The following PTPRD variants were observed in gnomAD, a reference collection of about 807,000 sequenced individuals.
The protein encoded by PTPRD is protein tyrosine phosphatase receptor type D, also known as receptor-type tyrosine-protein phosphatase delta.
PTPRD carries 34 observed loss-of-function variants against 214.5 expected under a neutral mutation model. The ratio of observed to expected loss-of-function variants is 0.16; its 90% confidence interval spans 0.12 to 0.21. The LOEUF (loss-of-function observed/expected upper bound fraction) is 0.21. Among genes scored for constraint, PTPRD ranks in the 10% least tolerant of loss-of-function variants. PTPRD has a pLI of 1.00. For missense variants in PTPRD, 2,545 were observed against 2,398.7 expected, an observed-to-expected ratio of 1.06 and a Z score of -1.27; for synonymous variants, 1,128 against 845.7, an observed-to-expected ratio of 1.33 and a Z score of -5.79.
At chr9:9,598,058 G>C (rs1223323738) in intron 7 of PTPRD, among the ~76,000 whole-genome samples, 6 of 151,936 alleles carry the variant, frequency 3.9e-5, no homozygotes, top group Non-Finnish European at 8.8e-5. Flanking sequence ...TTAAGTTGCT[G>C]TCTGGCTTGG....
chr9:10,413,991 C>T (rs2098462649), intron 2 of PTPRD, among the ~76,000 whole-genome samples: 1 of 151,900 alleles, frequency 6.6e-6, no homozygotes, highest in African/African-American at 2.4e-5. Context: ...AAATCCCAAA[C>T]TATAAAAACC....
At chr9:9,890,564 C>A (rs151023834) in intron 5 of PTPRD, among the ~76,000 whole-genome samples, 122 of 152,064 alleles carry the variant, frequency 8.0e-4, no homozygotes, top group Non-Finnish European at 1.5e-3. Context: ...TGATTGGCTC[C>A]TCATTTACAT....
intron 8 of PTPRD, among the ~76,000 whole-genome samples, chr9:9,481,869 G>C (rs1362352418): frequency 6.6e-6 from 1 of 152,056 alleles, no homozygotes; most frequent in Admixed American, 6.6e-5. Flanking sequence ...AAATACTTTT[G>C]ATCATTTTAG....
intron 5 of PTPRD, among the ~76,000 whole-genome samples, chr9:9,928,879 A>G (rs1038716069): frequency 6.6e-6 from 1 of 152,118 alleles, no homozygotes; most frequent in South Asian, 2.1e-4. Flanking sequence ...ACTTGGTAAT[A>G]TCAATTAGTT....
chr9:9,427,673 T>G (rs950965246), intron 8 of PTPRD, among the ~76,000 whole-genome samples: 1 of 152,118 alleles, frequency 6.6e-6, no homozygotes, highest in African/African-American at 2.4e-5. Flanking sequence ...AAAGGTTGGG[T>G]TACCCACAAA....
At chr9:10,343,956 T>A (rs1051862909) in intron 2 of PTPRD, among the ~76,000 whole-genome samples, 23 of 149,850 alleles carry the variant, frequency 1.5e-4, no homozygotes, top group African/African-American at 5.6e-4. Context: ...ATTCTGTAGG[T>A]TGCCTGTTCA....
rs1244884481 is a variant in PTPRD, at chr9:8,440,318, TA to T, written c.3989-3630del. Among the ~76,000 whole-genome samples the T allele has an allele frequency of 9.1e-4, 103 of 113,084 alleles. 2 individuals carry two copies. Among genetic ancestry groups the T allele is most frequent in the African/African-American group, 3.2e-3 (96 of 29,892 alleles). The allele number at this position is 113,084 out of a possible 152,430, so 74.2% of individuals were successfully genotyped here. On this transcript the variant is annotated intron_variant, in intron 34 of 45. Transcript: ENST00000381196. ...CTACAAATGTACAATAGAAATGTAT[TA>T]TTTTTTTTTTTTTTGAGATGTAGTC...
At chr9:9,295,453 G>A (rs57968149) in intron 9 of PTPRD, among the ~76,000 whole-genome samples, 3,748 of 151,626 alleles carry the variant, frequency 0.025, 160 homozygotes, top group African/African-American at 0.086. Flanking sequence ...GTAGTTCTAC[G>A]TATTTTAAAA....
intron 7 of PTPRD, among the ~76,000 whole-genome samples, chr9:9,595,423 C>A (rs2093240401): frequency 6.9e-6 from 1 of 145,428 alleles, no homozygotes; most frequent in African/African-American, 2.6e-5. Context: ...TACAAATGTA[C>A]ACATATACAC....
chr9:8,514,850 T>A (rs376018477), intron 21 of PTPRD, among the ~76,000 whole-genome samples: 16 of 152,150 alleles, frequency 1.1e-4, no homozygotes, highest in African/African-American at 3.9e-4. Flanking sequence ...TGGGAGGTGA[T>A]TGAACAATGG....
Position 9,359,496 on chromosome 9 carries a change from G to C in PTPRD, c.-203+37953C>G, listed in dbSNP as rs2055171422. On this transcript the variant is annotated intron_variant, in intron 9 of 45. Transcript: ENST00000381196. ...TAAAAACAGTGTTTGCAAACACATA[G>C]CTAAATTGACAAAGACTTACCTAAA... Among the ~76,000 whole-genome samples, 3 of 151,174 alleles carry C rather than the reference G, an allele frequency of 2.0e-5. No homozygotes were observed. In the South Asian group the frequency reaches 6.2e-4, roughly 31 times the overall value.
intron 37 of PTPRD, among the ~76,000 whole-genome samples, chr9:8,380,499 G>A (rs568095668): frequency 6.6e-6 from 1 of 152,216 alleles, no homozygotes; most frequent in East Asian, 1.9e-4. Context: ...GGCTAAATTT[G>A]CGGGAGGCAT....
chr9:8,907,683 C>T (rs1480642175), intron 11 of PTPRD, among the ~76,000 whole-genome samples: 2 of 151,330 alleles, frequency 1.3e-5, no homozygotes, highest in South Asian at 2.1e-4. Flanking sequence ...ACTACATGGA[C>T]TTAATATATA....
intron 11 of PTPRD, among the ~76,000 whole-genome samples, chr9:8,856,778 T>C (rs143788576): frequency 4.6e-5 from 7 of 152,290 alleles, no homozygotes; most frequent in African/African-American, 1.7e-4. Flanking sequence ...AACACCAAAT[T>C]AATGAAAGCC....
At chr9:9,986,702 C>T (rs1401885117) in intron 4 of PTPRD, among the ~76,000 whole-genome samples, 1 of 152,056 alleles carries the variant, frequency 6.6e-6, no homozygotes, top group African/African-American at 2.4e-5. Flanking sequence ...TGGGTTAACA[C>T]ATTTACTTTT....
intron 14 of PTPRD, among the ~76,000 whole-genome samples, chr9:8,620,613 G>A (rs988740434): frequency 6.6e-6 from 1 of 151,970 alleles, no homozygotes; most frequent in African/African-American, 2.4e-5. Flanking sequence ...TTAATGGCGG[G>A]GGGCAGGGGG....
At chr9:9,385,754 C>A (rs185156406) in intron 9 of PTPRD, among the ~76,000 whole-genome samples, 1 of 152,098 alleles carries the variant, frequency 6.6e-6, no homozygotes, top group Non-Finnish European at 1.5e-5. Context: ...CTCATTTAGT[C>A]GACATAACTT....
chr9:10,419,272 T>C (rs2098524056), intron 2 of PTPRD, among the ~76,000 whole-genome samples: 1 of 151,952 alleles, frequency 6.6e-6, no homozygotes, highest in African/African-American at 2.4e-5. Context: ...TTAAGCTTTC[T>C]GCTAGTTTCA....
At chr9:10,188,727 G>C (rs1365881935) in intron 3 of PTPRD, among the ~76,000 whole-genome samples, 2 of 152,126 alleles carry the variant, frequency 1.3e-5, no homozygotes, top group Admixed American at 1.3e-4. Context: ...TTTATTTAGA[G>C]AATGAAGACA....
Sources: allele counts gnomAD v4.1 joint callset (sites outside exome capture counted in the v4.1 genomes callset), GRCh38; gene constraint gnomAD v4.1.1; transcripts MANE v1.5; gene names NCBI Gene and HGNC (gene_info 2026-07-23, HGNC 2026-07-21).